Variants in SPATA9 observed in about 807,000 individuals in gnomAD.
SPATA9 encodes spermatogenesis associated 9, also known as spermatogenesis-associated protein 9.
SPATA9 carries 27 observed loss-of-function variants against 25.5 expected under a neutral mutation model. That is an observed-to-expected ratio of 1.06 (90% confidence interval 0.78 to 1.46). The LOEUF is 1.46. Ranked by LOEUF, SPATA9 falls within the 40% of genes most tolerant of loss-of-function variation. The probability of loss-of-function intolerance (pLI) is 0.00; values close to 1 mark genes in which losing one functional copy is unlikely to be tolerated. For missense variants in SPATA9, 282 were observed against 297.5 expected (o/e 0.95, Z 0.38); for synonymous variants, 102 against 105.7 (o/e 0.97, Z 0.21).
At chr5:95,680,521 A>G (rs997080814) in intron 2 of SPATA9, among the ~76,000 whole-genome samples, 3 of 151,830 alleles carry the variant, frequency 2.0e-5, no homozygotes, top group South Asian at 2.1e-4. Flanking sequence ...ATAGAATTTC[A>G]TTCTCTTCAT....
At chr5:95,727,631 C>T in the SPATA9 span, among the ~76,000 whole-genome samples, 15 of 152,260 alleles carry the variant, frequency 9.9e-5, no homozygotes, top group South Asian at 6.2e-4. Flanking sequence ...GTTCTGTTAA[C>T]ACTGGTAAAA....
chr5:95,682,162 T>G (rs1251021237), intron 2 of SPATA9, among the ~76,000 whole-genome samples: 6 of 152,232 alleles, frequency 3.9e-5, no homozygotes, highest in Non-Finnish European at 8.8e-5. Context: ...TATCTTTCCA[T>G]TGTTACAATT....
downstream of SPATA9, chr5:95,654,141 A>G: frequency 6.2e-7 from 1 of 1,612,362 alleles, no homozygotes; most frequent in Non-Finnish European, 8.5e-7. Context: ...GATGACATTA[A>G]AAAATCTGAA....
chr5:95,658,215 G>A (rs991087181), downstream of SPATA9: 1 of 153,388 alleles, frequency 6.5e-6, no homozygotes, highest in Non-Finnish European at 1.5e-5. Context: ...AAACTCTCCA[G>A]TCTGCATATA....
intron 4 of SPATA9, among the ~76,000 whole-genome samples, chr5:95,663,374 G>T (rs1034347663): frequency 3.9e-5 from 6 of 152,154 alleles, no homozygotes; most frequent in Admixed American, 3.3e-4. Context: ...ATTGTGAGGG[G>T]CAAGAAAGAG....
At chr5:95,698,344 T>C (rs893918616) in intron 1 of SPATA9, among the ~76,000 whole-genome samples, 1 of 152,132 alleles carries the variant, frequency 6.6e-6, no homozygotes, top group African/African-American at 2.4e-5. Context: ...CAGCAAGCTG[T>C]GGACTTGATG....
At chr5:95,652,916 T>C, downstream of SPATA9, 2 of 655,484 alleles carry the variant, frequency 3.1e-6, no homozygotes, top group Non-Finnish European at 4.8e-6. Flanking sequence ...GGAGCATTCT[T>C]TCAAAAAGAA....
At chr5:95,666,020 T>G (rs1751775713) in intron 3 of SPATA9, among the ~76,000 whole-genome samples, 1 of 152,174 alleles carries the variant, frequency 6.6e-6, no homozygotes, top group African/African-American at 2.4e-5. Context: ...AACTTTTTGT[T>G]GAACGAACAC....
At chr5:95,730,434 G>A in the SPATA9 span, among the ~76,000 whole-genome samples, 1 of 152,180 alleles carries the variant, frequency 6.6e-6, no homozygotes, top group East Asian at 1.9e-4. Flanking sequence ...GGATCCCAGT[G>A]TTCGTTTGTA....
upstream of SPATA9, among the ~76,000 whole-genome samples, chr5:95,702,384 C>T (rs1048108496): frequency 1.3e-5 from 2 of 152,178 alleles, no homozygotes; most frequent in African/African-American, 2.4e-5. Context: ...ATTTGCAGAG[C>T]ACTTCCAGGC....
the SPATA9 span, among the ~76,000 whole-genome samples, chr5:95,719,209 G>A: frequency 6.6e-6 from 1 of 152,150 alleles, no homozygotes; most frequent in South Asian, 2.1e-4. Flanking sequence ...GGTTGACTGG[G>A]AGGTTGCTAA....
intron 8 of SPATA9, chr5:95,653,257 C>G: frequency 6.5e-7 from 1 of 1,549,882 alleles, no homozygotes; most frequent in Non-Finnish European, 8.7e-7. Context: ...CCTTCTCTTG[C>G]TGTAATAGCT....
At chr5:95,657,557 A>G (rs1006485420), downstream of SPATA9, 2 of 152,114 alleles carry the variant, frequency 1.3e-5, no homozygotes, top group South Asian at 4.1e-4. Flanking sequence ...TCTAAATCTA[A>G]TACTTAACAT....
At chr5:95,702,104 T>C (rs539602939), upstream of SPATA9, among the ~76,000 whole-genome samples, 1 of 152,164 alleles carries the variant, frequency 6.6e-6, no homozygotes, top group Non-Finnish European at 1.5e-5. Context: ...TAGTACTTGC[T>C]TTCAGTCAAC....
At chr5:95,727,085 G>A in the SPATA9 span, among the ~76,000 whole-genome samples, 9 of 151,754 alleles carry the variant, frequency 5.9e-5, no homozygotes, top group African/African-American at 1.2e-4. Context: ...TAAAAATTGC[G>A]TTTGTTTTTA....
the SPATA9 span, among the ~76,000 whole-genome samples, chr5:95,727,376 A>G: frequency 6.6e-6 from 1 of 152,218 alleles, no homozygotes; most frequent in Non-Finnish European, 1.5e-5. Flanking sequence ...TAAGGAACCA[A>G]CACGTTTTTC....
Position 95,663,958 on chromosome 5 carries a change from AAATT to A in SPATA9, c.465_468del (p.Tyr157TrpfsTer9). On this transcript the variant is annotated frameshift_variant, in exon 4 of 5. Transcript: ENST00000274432. LOFTEE classifies it high-confidence loss of function. The stretch of plus-strand genomic sequence containing the variant: ...TAATAATTTTCTTAACTTACCAAAT[AAATT>A]AGTGCTGCATATGAAGCATATATTA... 2 of 1,528,970 alleles carry A rather than the reference AAATT, an allele frequency of 1.3e-6. No individual in the cohort carries two copies. Among genetic ancestry groups the A allele is most frequent in the Non-Finnish European group, 1.8e-6 (2 of 1,131,426 alleles). 94.7% of individuals were successfully genotyped at this position (1,528,970 alleles called of 1,614,324 possible). A position where few individuals can be genotyped will look rare whatever the true frequency, so the allele number is the denominator to read the frequency against.
At chr5:95,682,746 C>G (rs1036137299) in intron 1 of SPATA9, 48 bp downstream of exon 1, 1 of 1,523,062 alleles carries the variant, frequency 6.6e-7, no homozygotes, top group Admixed American at 2.1e-5. Context: ...GATCTTATTC[C>G]CAATTGTTCC....
the SPATA9 span, among the ~76,000 whole-genome samples, chr5:95,705,805 C>A: frequency 6.6e-5 from 10 of 152,196 alleles, no homozygotes; most frequent in Admixed American, 2.0e-4. Context: ...TAACTGACAT[C>A]TCAACAAAAG....
Sources: allele counts gnomAD v4.1 joint callset (sites outside exome capture counted in the v4.1 genomes callset), GRCh38; gene constraint gnomAD v4.1.1; transcripts MANE v1.5; gene names NCBI Gene and HGNC (gene_info 2026-07-23, HGNC 2026-07-21).